HSF1: variants seen among roughly 807,000 people sequenced by gnomAD.
HSF1 encodes heat shock factor protein 1.
In HSF1, 32 loss-of-function variants were observed where a neutral mutation model predicts 51.7. That is an observed-to-expected ratio of 0.62 (90% CI 0.47 to 0.83). The LOEUF is 0.83. Among genes scored for constraint, HSF1 ranks in the 40% least tolerant of loss-of-function variants. The probability of loss-of-function intolerance (pLI) is 0.00; values close to 1 mark genes in which losing one functional copy is unlikely to be tolerated. For synonymous variants in HSF1, 396 were observed against 309.7 expected (o/e 1.28, Z -2.92); for missense variants, 727 against 717.0 (o/e 1.01, Z -0.16).
intron 1 of HSF1, chr8:144,293,416 GTCT>G (rs1481733397): frequency 6.6e-6 from 1 of 151,018 alleles, no homozygotes; most frequent in Non-Finnish European, 1.5e-5. Context: ...CCATGTTTCT[GTCT>G]TCTTTTATCC....
intron 1 of HSF1, among the ~76,000 whole-genome samples, chr8:144,295,159 C>T (rs1283065975): frequency 3.9e-5 from 6 of 152,194 alleles, no homozygotes; most frequent in Admixed American, 3.9e-4. Context: ...TGTCCACCAG[C>T]AGAGGCTCTT....
rs1320161602 is a variant in HSF1 at position 144,291,817 on chromosome 8, C to A, written c.60C>A (p.Thr20=). ...AGPSNVPAFL[T]KLWTLVSDPD... is the part of the protein sequence containing the mutation. ...CCAGCAACGTCCCGGCCTTCCTGAC[C>A]AAGCTGTGGACCCTCGTGAGCGACC... The change falls in exon 1 of 13, where the codon ACC becomes ACA. Residue 20 remains threonine, a synonymous_variant. Coordinates refer to ENST00000528838, the MANE Select transcript of HSF1 (RefSeq NM_005526.4). The surrounding 1 kb of genome is among the most constrained non-coding windows in gnomAD (Gnocchi z 4.1). The A allele has an allele frequency of 1.9e-6, 3 of 1,558,770 alleles. No homozygotes were observed. The highest frequency in any genetic ancestry group is 2.6e-6 in the Non-Finnish European group (3 of 1,157,072).
intron 1 of HSF1, among the ~76,000 whole-genome samples, chr8:144,301,602 C>G (rs899257009): frequency 1.8e-4 from 27 of 151,992 alleles, no homozygotes; most frequent in South Asian, 1.2e-3. Flanking sequence ...CGCGGTGGCT[C>G]ACGCCTGTAA....
intron 4 of HSF1, chr8:144,310,958 C>A (rs1816598580): frequency 1.7e-6 from 1 of 590,912 alleles, no homozygotes; most frequent in South Asian, 2.0e-5. Context: ...CTACGTGACA[C>A]CAGGTGTCCC....
intron 9 of HSF1, chr8:144,312,558 G>A (rs1554845159): frequency 6.1e-6 from 8 of 1,318,408 alleles, no homozygotes; most frequent in East Asian, 2.5e-5. Flanking sequence ...GCAGGAGATG[G>A]TGAGCAGGGC....
intron 1 of HSF1, among the ~76,000 whole-genome samples, chr8:144,294,020 A>T (rs1554840892): frequency 2.6e-5 from 4 of 151,862 alleles, no homozygotes. Flanking sequence ...CTCCACTCAC[A>T]GGTGCACCAC....
chr8:144,310,912 G>T, intron 4 of HSF1: 1 of 538,042 alleles, frequency 1.9e-6, no homozygotes. Flanking sequence ...CCAGGATCCG[G>T]GTGCACCTGG....
chr8:144,302,847 A>C (rs1815986547), intron 1 of HSF1, among the ~76,000 whole-genome samples: 1 of 152,086 alleles, frequency 6.6e-6, no homozygotes, highest in East Asian at 1.9e-4. Context: ...AAAAAGGCAG[A>C]AGATTTGAAC....
In HSF1 at chr8:144,313,559, C is replaced by T. The variant is rs1432246546; in HGVS notation, c.1191C>T (p.Asn397=). 2 of 1,612,218 alleles carry T rather than the reference C, an allele frequency of 1.2e-6. No individual in the cohort carries two copies. The highest frequency in any genetic ancestry group is 1.3e-5 in the African/African-American group (1 of 74,970). ...ATGCTATGGACTCCAACCTGGATAA[C>T]CTGCAGACCATGCTGAGCAGCCACG... ...HLDAMDSNLD[N]LQTMLSSHGF... Residue 397 remains asparagine (N), a synonymous_variant, in exon 10 of 13, where the codon AAC becomes AAT. Coordinates refer to ENST00000528838, the MANE Select transcript of HSF1 (RefSeq NM_005526.4).
chr8:144,314,152 A>G lies in HSF1; in HGVS notation c.1412A>G (p.Gln471Arg). 1 of 1,340,466 alleles carries G rather than the reference A, an allele frequency of 7.5e-7. No homozygotes were observed. Among genetic ancestry groups the G allele is most frequent in the Non-Finnish European group, 9.8e-7 (1 of 1,020,654 alleles). The allele number at this position is 1,340,466 out of a possible 1,614,324, so 83.0% of individuals were successfully genotyped here. The change falls in exon 13 of 13, where the codon CAG becomes CGG. Residue 471 changes from glutamine (Q) to arginine (R), a missense_variant. Gln to Arg is a conservative substitution (Grantham distance 43). Around this residue, in one of 2 missense-constraint regions of HSF1, gnomAD observed 470 missense variants for 398.8 expected, o/e 1.18. Transcript: ENST00000528838. ...SGKQLVHYTA[Q>R]PLFLLDPGSV... ...AAGCAGCTGGTGCACTACACAGCGCAGCCGCTGTTCCTGCTGGACCCCGGC... is the reference window on the plus strand; with the variant it reads ...AAGCAGCTGGTGCACTACACAGCGCGGCCGCTGTTCCTGCTGGACCCCGGC...
chr8:144,299,129 C>T (rs1815684117), intron 1 of HSF1, among the ~76,000 whole-genome samples: 1 of 152,152 alleles, frequency 6.6e-6, no homozygotes, highest in Admixed American at 6.5e-5. Context: ...CCTGCTAGCA[C>T]GGAGTACACA....
At chr8:144,302,833 A>G (rs782731348) in intron 1 of HSF1, among the ~76,000 whole-genome samples, 6 of 152,072 alleles carry the variant, frequency 3.9e-5, no homozygotes, top group Non-Finnish European at 7.3e-5. Flanking sequence ...AAAAACATAC[A>G]TTGAAAAAGG....
At position 144,301,188 on chromosome 8, in the gene HSF1, A is replaced by G. The variant is rs538123523; in HGVS notation, c.118-7718A>G. ...AATCCCAGCACTCTGGGAGGCTGAC[A>G]TGGGTGGATCGCTTGAGCCCAGGAG... On this transcript the variant is annotated intron_variant, in intron 1 of 12. Coordinates refer to ENST00000528838, the MANE Select transcript of HSF1 (RefSeq NM_005526.4). 1.8e-4 allele frequency among the ~76,000 whole-genome samples: 28 copies of G among 152,006 alleles called. 1 individual carries two copies. The East Asian group carries it at 5.1e-3, about 27-fold the overall frequency.
At chr8:144,312,962 C>T in intron 9 of HSF1, 1 of 569,722 alleles carries the variant, frequency 1.8e-6, no homozygotes, top group Non-Finnish European at 3.2e-6. Context: ...TTGGCAGGAT[C>T]CAGACTGCGG....
At chr8:144,295,352 G>A (rs35253356) in intron 1 of HSF1, among the ~76,000 whole-genome samples, 80,484 of 152,164 alleles carry the variant, frequency 0.53, 21,602 homozygotes, top group Admixed American at 0.65. Context: ...AGTATGAAAA[G>A]TAATCTCGAC....
chr8:144,304,009 G>A (rs1816060331), intron 1 of HSF1, among the ~76,000 whole-genome samples: 1 of 152,220 alleles, frequency 6.6e-6, no homozygotes, highest in East Asian at 1.9e-4. Context: ...TGGGCAAGGT[G>A]GAGGAAGGGA....
chr8:144,311,503 A>G lies in HSF1; in HGVS notation c.627-2A>G. 6.2e-7 allele frequency: 1 copy of G among 1,613,554 alleles called. No individual in the cohort carries two copies. The highest frequency in any genetic ancestry group is 8.5e-7 in the Non-Finnish European group (1 of 1,179,888). On this transcript the variant is annotated splice_acceptor_variant, in intron 6 of 12. Coordinates refer to ENST00000528838, the MANE Select transcript of HSF1 (RefSeq NM_005526.4). LOFTEE classifies it high-confidence loss of function. ...GTGGCTGACCTGCACCCTTCCCCACAGCCCCCTGATGCTGAACGACAGTGG... is the reference window on the plus strand; with the variant it reads ...GTGGCTGACCTGCACCCTTCCCCACGGCCCCCTGATGCTGAACGACAGTGG...
In HSF1 at chr8:144,311,853, C is replaced by T. The variant is rs542263711; in HGVS notation, c.860+17C>T. The T allele has an allele frequency of 1.3e-6, 2 of 1,593,576 alleles. No individual in the cohort carries two copies. Among genetic ancestry groups the T allele is most frequent in the East Asian group, 2.2e-5 (1 of 44,774 alleles). ...AGACGAGAGGTGGGGGCCGCATCAC[C>T]CCAGCCATCCTGTCCCCCAATGAGG... On this transcript the variant is annotated intron_variant, in intron 8 of 12. Coordinates refer to ENST00000528838, the MANE Select transcript of HSF1 (RefSeq NM_005526.4).
rs1488400209 is a variant in HSF1 at position 144,312,676 on chromosome 8, C to T, written c.1142+432C>T. Reference sequence around the variant, plus strand: ...CTAGGGTCGCCCGCCTCTTCCCCTGCCCCTCTTCCTCTCCGCATGGCCAAG... The same window carrying T: ...CTAGGGTCGCCCGCCTCTTCCCCTGTCCCTCTTCCTCTCCGCATGGCCAAG... On this transcript the variant is annotated intron_variant, in intron 9 of 12. Coordinates refer to ENST00000528838, the MANE Select transcript of HSF1 (RefSeq NM_005526.4). 10 of 1,535,540 alleles carry T rather than the reference C, an allele frequency of 6.5e-6. No individual in the cohort carries two copies. The East Asian group carries it at 7.3e-5, about 11-fold the overall frequency.
Sources: gnomAD v4.1 joint callset for allele counts (sites outside exome capture counted in the v4.1 genomes callset) on GRCh38, gnomAD v4.1.1 for gene constraint, gnomAD v4.1.1 regional missense constraint, Gnocchi (gnomAD v3.1) non-coding constraint, MANE v1.5 for transcripts, NCBI Gene and HGNC (gene_info 2026-07-23, HGNC 2026-07-21) for gene names.